The following APCDD1 variants were observed in gnomAD, a reference collection of about 807,000 sequenced individuals.
APCDD1 encodes APC down-regulated 1, also known as protein APCDD1.
APCDD1 carries 15 observed loss-of-function variants against 38.1 expected under a neutral mutation model. That is an observed-to-expected ratio of 0.39 (90% confidence interval 0.26 to 0.61). The LOEUF (loss-of-function observed/expected upper bound fraction) is 0.61, where lower values mean the gene tolerates loss of function less well. Among genes scored for constraint, APCDD1 ranks in the 20% least tolerant of loss-of-function variants. The pLI, the probability that APCDD1 is intolerant of heterozygous loss-of-function variation, is 0.49. For synonymous variants in APCDD1, 261 were observed against 279.7 expected (o/e 0.93, Z 0.67); for missense variants, 647 against 696.2 (o/e 0.93, Z 0.79).
At chr18:10,474,696 G>A (rs563064064) in intron 3 of APCDD1, among the ~76,000 whole-genome samples, 2 of 152,296 alleles carry the variant, frequency 1.3e-5, no homozygotes, top group African/African-American at 4.8e-5. Flanking sequence ...ACTCCTGGGT[G>A]TGGCTCCGCA....
chr18:10,460,022 G>A (rs1430857946), intron 1 of APCDD1, among the ~76,000 whole-genome samples: 1 of 152,102 alleles, frequency 6.6e-6, no homozygotes, highest in Admixed American at 6.5e-5. Context: ...TTTCCCTTAA[G>A]CCTTAGAGTA....
At chr18:10,480,800 G>A (rs557748631) in intron 3 of APCDD1, among the ~76,000 whole-genome samples, 20 of 152,040 alleles carry the variant, frequency 1.3e-4, no homozygotes, top group Non-Finnish European at 2.1e-4. Flanking sequence ...CCTGGGAGGT[G>A]GAGGTTGCAG....
rs2031234966 is a variant in APCDD1 at position 10,485,689 on chromosome 18, C to T, written c.1002C>T (p.Cys334=). The T allele has an allele frequency of 6.2e-7, 1 of 1,614,066 alleles. No homozygotes were observed. Among genetic ancestry groups the T allele is most frequent in the Non-Finnish European group, 8.5e-7 (1 of 1,180,046 alleles). ...ACTACCACTACTCAGACCCGGTGTG[C>T]AAGCACCCCACCTTCTCCATCTACG... ...GHYYHYSDPV[C]KHPTFSIYAR... is the part of the protein sequence containing the mutation. The change falls in exon 4 of 5, where the codon TGC becomes TGT. Residue 334 remains cysteine (C), a synonymous_variant. Coordinates refer to ENST00000355285, the MANE Select transcript of APCDD1 (RefSeq NM_153000.5). The surrounding 1 kb of genome is among the most constrained non-coding windows in gnomAD (Gnocchi z 5.8).
At chr18:10,468,207 A>G (rs2030762365) in intron 1 of APCDD1, among the ~76,000 whole-genome samples, 1 of 152,242 alleles carries the variant, frequency 6.6e-6, no homozygotes. Context: ...TGGCTTTGCC[A>G]GGAACTAGCT....
In APCDD1 at chr18:10,460,545, AC is replaced by A. The variant is rs112527180; in HGVS notation, c.58+5507del. Among the ~76,000 whole-genome samples, 150 of 150,620 alleles carry A rather than the reference AC, an allele frequency of 1.0e-3. 5 individuals are homozygous for A. The highest frequency in any genetic ancestry group is 2.3e-3 in the East Asian group (12 of 5,146). On this transcript the variant is annotated intron_variant, in intron 1 of 4. Coordinates refer to ENST00000355285, the MANE Select transcript of APCDD1 (RefSeq NM_153000.5). ...AAGACTCTGTCTCAAAAAAAAAAAAACAAAAAACAAACAAGCAAAAAAAACT... is the reference window on the plus strand; with the variant it reads ...AAGACTCTGTCTCAAAAAAAAAAAAAAAAAAACAAACAAGCAAAAAAAACT...
chr18:10,478,226 T>C (rs1190091106), intron 3 of APCDD1, among the ~76,000 whole-genome samples: 1 of 152,198 alleles, frequency 6.6e-6, no homozygotes, highest in Non-Finnish European at 1.5e-5. Flanking sequence ...TCCTGGACAG[T>C]GGTAACAGGC....
rs1054390504 is a variant in APCDD1 at position 10,467,559 on chromosome 18, A to T, written c.59-910A>T. 6.6e-6 allele frequency among the ~76,000 whole-genome samples: 1 copy of T among 152,274 alleles called. No individual in the cohort carries two copies. The highest frequency in any genetic ancestry group is 1.9e-4 in the East Asian group (1 of 5,182). On this transcript the variant is annotated intron_variant, in intron 1 of 4. Coordinates refer to ENST00000355285, the MANE Select transcript of APCDD1 (RefSeq NM_153000.5). This position sits in a 1 kb window ranked among gnomAD's most constrained non-coding sequence, Gnocchi z 4.8. ...AACATTAGGCTGGTGGTAGTTTTGC[A>T]TGGGTAGATTGTGGCCAACCTGCAT...
At chr18:10,460,795 G>A (rs1056979869) in intron 1 of APCDD1, among the ~76,000 whole-genome samples, 3 of 152,088 alleles carry the variant, frequency 2.0e-5, no homozygotes, top group Non-Finnish European at 2.9e-5. Flanking sequence ...GTACACTGGC[G>A]TGCTTCCTTA....
At chr18:10,456,422 C>CAT (rs2030382740) in intron 1 of APCDD1, among the ~76,000 whole-genome samples, 1 of 152,024 alleles carries the variant, frequency 6.6e-6, no homozygotes, top group Non-Finnish European at 1.5e-5. Context: ...GCCACACACA[C>CAT]AAGAAACAAA....
Position 10,487,882 on chromosome 18 carries a change from G to A in APCDD1, c.1389G>A (p.Leu463=). The A allele has an allele frequency of 6.2e-7, 1 of 1,613,630 alleles. No homozygotes were observed. The highest frequency in any genetic ancestry group is 8.5e-7 in the Non-Finnish European group (1 of 1,179,884). The change falls in exon 5 of 5, where the codon TTG becomes TTA. Residue 463 remains leucine (L), a synonymous_variant. Transcript: ENST00000355285. ...EKRATSYQMP[L]VQCASSSPRA... is the part of the protein sequence containing the mutation. ...GAGCCACGTCCTACCAGATGCCCTTGGTCCAGTGTGCCTCCTCTTCGCCGA... is the reference window on the plus strand; with the variant it reads ...GAGCCACGTCCTACCAGATGCCCTTAGTCCAGTGTGCCTCCTCTTCGCCGA...
rs1453816111 is a variant in APCDD1, at chr18:10,489,652, T to A, written c.*1614T>A. ...AGGTGGAGCTTGCAGTGAGCCGAGA[T>A]TGTGCCACTGCGCTCGAGCCTGGGC... On this transcript the variant is annotated 3_prime_UTR_variant, in exon 5 of 5. Coordinates refer to ENST00000355285, the MANE Select transcript of APCDD1 (RefSeq NM_153000.5). The A allele has an allele frequency of 6.6e-6, 1 of 151,736 alleles. No homozygotes were observed. The highest frequency in any genetic ancestry group is 6.6e-5 in the Admixed American group (1 of 15,216). The allele number at this position is 151,736 out of a possible 1,614,324, so 9.4% of individuals were successfully genotyped here.
At chr18:10,459,359 G>A (rs1444552353) in intron 1 of APCDD1, among the ~76,000 whole-genome samples, 2 of 151,840 alleles carry the variant, frequency 1.3e-5, no homozygotes, top group African/African-American at 4.9e-5. Context: ...CTGTGTTGAA[G>A]AGGGTGGATG....
Position 10,471,074 on chromosome 18 carries a change from G to A in APCDD1, c.243-456G>A, listed in dbSNP as rs560348409. Among the ~76,000 whole-genome samples the A allele has an allele frequency of 3.0e-4, 46 of 152,330 alleles. No homozygotes were observed. The highest frequency in any genetic ancestry group is 5.7e-4 in the Non-Finnish European group (39 of 68,022). On this transcript the variant is annotated intron_variant, in intron 2 of 4. Coordinates refer to ENST00000355285, the MANE Select transcript of APCDD1 (RefSeq NM_153000.5). This position sits in a 1 kb window ranked among gnomAD's most constrained non-coding sequence, Gnocchi z 5.5. ...AATAAAAGTGTTCAGGAAGTCGACC[G>A]TTTTTGAACTAGCGTAAGGGAACTT... is the stretch of plus-strand genomic sequence containing the variant.
intron 1 of APCDD1, among the ~76,000 whole-genome samples, chr18:10,466,596 A>T (rs1176562406): frequency 6.6e-6 from 1 of 152,168 alleles, no homozygotes; most frequent in Non-Finnish European, 1.5e-5. Context: ...GCTTGCTTCC[A>T]CTTCCATAAC....
At position 10,454,706 on chromosome 18, in the gene APCDD1, G is replaced by T; in HGVS notation, c.-276G>T. 1.0e-6 allele frequency: 1 copy of T among 983,972 alleles called. No homozygotes were observed. Among genetic ancestry groups the T allele is most frequent in the South Asian group, 4.6e-5 (1 of 21,592 alleles). 61.0% of individuals were successfully genotyped at this position (983,972 alleles called of 1,614,324 possible). A position where few individuals can be genotyped will look rare whatever the true frequency, so the allele number is the denominator to read the frequency against. The stretch of plus-strand genomic sequence containing the variant: ...GAGCGGCGCACGCGGCGGCCGGGGC[G>T]GGACGCGGGGCCGGGCGCGGAGAAG... On this transcript the variant is annotated 5_prime_UTR_variant, in exon 1 of 5. Coordinates refer to ENST00000355285, the MANE Select transcript of APCDD1 (RefSeq NM_153000.5).
chr18:10,481,201 G>A (rs1477284330), intron 3 of APCDD1, among the ~76,000 whole-genome samples: 1 of 152,158 alleles, frequency 6.6e-6, no homozygotes, highest in Non-Finnish European at 1.5e-5. Context: ...TTCTCCTTCT[G>A]GGTACATACC....
In APCDD1 at chr18:10,475,055, A is replaced by G. The variant is rs1352294389; in HGVS notation, c.774+2994A>G. ...TCCTTTTCTGTAAAATGGCAAAAAT[A>G]TAAGAATCAATAGGGTTAATGTGCA... On this transcript the variant is annotated intron_variant, in intron 3 of 4. Coordinates refer to ENST00000355285, the MANE Select transcript of APCDD1 (RefSeq NM_153000.5). The surrounding 1 kb of genome is among the most constrained non-coding windows in gnomAD (Gnocchi z 4.0). Among the ~76,000 whole-genome samples, 1 of 152,254 alleles carries G rather than the reference A, an allele frequency of 6.6e-6. No homozygotes were observed. Among genetic ancestry groups the G allele is most frequent in the Non-Finnish European group, 1.5e-5 (1 of 68,048 alleles).
chr18:10,487,786 C>T lies in APCDD1; in HGVS notation c.1293C>T (p.Ala431=). ...AGATCTTCAAAATGGAACAGGATGC[C>T]CGGGGGCGCTATCTGCTGTTCAACG... The part of the protein sequence containing the change: ...EYEIFKMEQD[A]RGRYLLFNGQ... Residue 431 remains alanine, a synonymous_variant, in exon 5 of 5, where the codon GCC becomes GCT. Transcript: ENST00000355285. 2 of 1,614,138 alleles carry T rather than the reference C, an allele frequency of 1.2e-6. No individual in the cohort carries two copies. The highest frequency in any genetic ancestry group is 2.2e-5 in the East Asian group (1 of 44,878).
At chr18:10,461,598 T>C (rs1310993113) in intron 1 of APCDD1, among the ~76,000 whole-genome samples, 2 of 152,200 alleles carry the variant, frequency 1.3e-5, no homozygotes. Flanking sequence ...TAAAGTGAAT[T>C]GTCGAGTGTA....
Sources: gnomAD v4.1 joint callset for allele counts (sites outside exome capture counted in the v4.1 genomes callset) on GRCh38, gnomAD v4.1.1 for gene constraint, Gnocchi (gnomAD v3.1) non-coding constraint, MANE v1.5 for transcripts, NCBI Gene and HGNC (gene_info 2026-07-23, HGNC 2026-07-21) for gene names.